CLK3: variants seen among roughly 807,000 people sequenced by gnomAD.
CLK3 encodes dual specificity protein kinase CLK3.
In CLK3, 24 loss-of-function variants were observed where a neutral mutation model predicts 65.2. That is an observed-to-expected ratio of 0.37 (90% CI 0.27 to 0.52). The LOEUF (loss-of-function observed/expected upper bound fraction) is 0.52. CLK3 is among the 20% of genes least tolerant of loss of function. The pLI is 0.92. For missense variants in CLK3, 506 were observed against 660.0 expected (o/e 0.77, Z 2.56); for synonymous variants, 252 against 240.8 (o/e 1.05, Z -0.43).
upstream of CLK3, chr15:74,615,652 T>TC (rs971291884): frequency 1.6e-6 from 2 of 1,248,376 alleles, no homozygotes; most frequent in Non-Finnish European, 2.0e-6. Context: ...GCCAGGCTCG[T>TC]CCCCTCGGCC....
At chr15:74,618,103 A>G (rs1031278007) in intron 1 of CLK3, among the ~76,000 whole-genome samples, 1 of 152,162 alleles carries the variant, frequency 6.6e-6, no homozygotes, top group Non-Finnish European at 1.5e-5. Context: ...GAGATGGGGC[A>G]GCCTCAGTGG....
chr15:74,608,562 C>T (rs977367876), intron 1 of CLK3: 17 of 152,226 alleles, frequency 1.1e-4, no homozygotes, highest in African/African-American at 4.1e-4. Context: ...GTACTGGGCA[C>T]TTCTACTCCC....
Position 74,622,955 on chromosome 15 carries a change from A to C in CLK3, c.533+395A>C, listed in dbSNP as rs1289792938. ...CTAGGAGTACCAATAAGCCCAGCCC[A>C]AGCATAAGTCCCATTCCCTGAGGGT... is the stretch of plus-strand genomic sequence containing the variant. On this transcript the variant is annotated intron_variant, in intron 5 of 12. Transcript: ENST00000395066. The surrounding 1 kb of genome is among the most constrained non-coding windows in gnomAD (Gnocchi z 4.6). Among the ~76,000 whole-genome samples the C allele has an allele frequency of 6.6e-6, 1 of 152,200 alleles. No homozygotes were observed. Among genetic ancestry groups the C allele is most frequent in the African/African-American group, 2.4e-5 (1 of 41,442 alleles).
chr15:74,628,816 C>T (rs2062166031), intron 11 of CLK3, 126 bp from the exon 12 acceptor site: 1 of 993,380 alleles, frequency 1.0e-6, no homozygotes, highest in African/African-American at 1.6e-5. Context: ...AAAGCCTTCC[C>T]TGTGTGCCCC....
chr15:74,611,350 G>A (rs1023192876), upstream of CLK3, among the ~76,000 whole-genome samples: 15 of 152,212 alleles, frequency 9.9e-5, no homozygotes, highest in African/African-American at 2.9e-4. Context: ...GCTAGCTCAG[G>A]GGACCTCCTT....
At chr15:74,629,465 T>G in intron 12 of CLK3, 1 of 569,234 alleles carries the variant, frequency 1.8e-6, no homozygotes, top group Non-Finnish European at 3.1e-6. Flanking sequence ...GGACTTTGCA[T>G]GTGGGGGCAG....
chr15:74,610,312 A>G (rs1455607784), intron 1 of CLK3, among the ~76,000 whole-genome samples: 1 of 152,018 alleles, frequency 6.6e-6, no homozygotes, highest in Non-Finnish European at 1.5e-5. Flanking sequence ...CTTGTCTTCT[A>G]TGTTCTGGTC....
At chr15:74,614,704 C>A (rs975582689), upstream of CLK3, 1 of 152,180 alleles carries the variant, frequency 6.6e-6, no homozygotes, top group Non-Finnish European at 1.5e-5. Flanking sequence ...GCTTCAGGGG[C>A]GGGCCCAGAC....
intron 1 of CLK3, among the ~76,000 whole-genome samples, chr15:74,610,212 C>G (rs2141524065): frequency 6.6e-6 from 1 of 152,376 alleles, no homozygotes; most frequent in African/African-American, 2.4e-5. Context: ...TTTTCCACTT[C>G]TGTCTGCAGC....
intron 1 of CLK3, among the ~76,000 whole-genome samples, chr15:74,617,705 A>G (rs1393251253): frequency 6.6e-6 from 1 of 152,208 alleles, no homozygotes; most frequent in Non-Finnish European, 1.5e-5. Context: ...TTGTCTGCCC[A>G]GTGAGGATGG....
chr15:74,628,547 C>A, intron 10 of CLK3, 57 bp from the exon 11 acceptor site: 1 of 1,299,202 alleles, frequency 7.7e-7, no homozygotes, highest in Non-Finnish European at 1.1e-6. Flanking sequence ...TCCTTTTTCT[C>A]CTTGAAGGGG....
chr15:74,622,142 G>A lies in CLK3; in HGVS notation c.392G>A (p.Arg131His), dbSNP rs749224799. 12 of 1,614,160 alleles carry A rather than the reference G, an allele frequency of 7.4e-6. No homozygotes were observed. Among genetic ancestry groups the A allele is most frequent in the Admixed American group, 3.3e-5 (2 of 60,026 alleles). ...CAGAGAAGCCAACAGAGCAGTAAGCGCAGCAGCCGGAGTGTGGAAGATGAC... is the reference window on the plus strand; with the variant it reads ...CAGAGAAGCCAACAGAGCAGTAAGCACAGCAGCCGGAGTGTGGAAGATGAC... Reference protein sequence around the residue: ...ASSRSQQSSKRSSRSVEDDKE... With the variant: ...ASSRSQQSSKHSSRSVEDDKE... The change falls in exon 4 of 13, where the codon CGC becomes CAC. Residue 131 changes from arginine to histidine, a missense_variant. Physicochemically the swap from Arg to His is conservative, Grantham distance 29. This residue lies in a region of CLK3 where 325 missense variants were observed against 500.5 expected (regional missense o/e 0.65). Transcript: ENST00000395066. The surrounding 1 kb of genome is among the most constrained non-coding windows in gnomAD (Gnocchi z 4.6).
At chr15:74,625,678 G>A in intron 6 of CLK3, 124 bp from the exon 7 acceptor site, 1 of 944,842 alleles carries the variant, frequency 1.1e-6, no homozygotes, top group Non-Finnish European at 1.7e-6. Flanking sequence ...TGCACTGTGT[G>A]TATCTGCATT....
chr15:74,621,618 G>A lies in CLK3; in HGVS notation c.370-502G>A, dbSNP rs539994513. ...GGCTGGGCATTCTGCAGCTGAAGCC[G>A]GAGCAGCCGCTGACCAGTCTGGATG... On this transcript the variant is annotated intron_variant, in intron 3 of 12. Coordinates refer to ENST00000395066, the MANE Select transcript of CLK3 (RefSeq NM_001130028.2). This position sits in a 1 kb window ranked among gnomAD's most constrained non-coding sequence, Gnocchi z 4.8. 7.5e-5 allele frequency: 18 copies of A among 240,994 alleles called. No individual in the cohort carries two copies. Among genetic ancestry groups the A allele is most frequent in the African/African-American group, 2.5e-4 (11 of 44,706 alleles). The allele number at this position is 240,994 out of a possible 1,614,324, so 14.9% of individuals were successfully genotyped here.
intron 10 of CLK3, 64 bp downstream of exon 10, chr15:74,628,116 T>TG: frequency 8.7e-7 from 1 of 1,153,774 alleles, no homozygotes; most frequent in South Asian, 1.2e-5. Context: ...TGCAGGCCAC[T>TG]GGGGTGGGAA....
In CLK3 at chr15:74,624,249, G is replaced by C. The variant is rs572048620; in HGVS notation, c.534-653G>C. ...GATGGCCTCCTGGGGTGAGGTTGGG[G>C]GTGGGAGGCACAGAGCAGGGACTGT... On this transcript the variant is annotated intron_variant, in intron 5 of 12. Transcript: ENST00000395066. The surrounding 1 kb of genome is among the most constrained non-coding windows in gnomAD (Gnocchi z 4.2). 15 of 152,512 alleles carry C rather than the reference G, an allele frequency of 9.8e-5. No individual in the cohort carries two copies. The highest frequency in any genetic ancestry group is 3.4e-4 in the African/African-American group (14 of 41,562). The allele number at this position is 152,512 out of a possible 1,614,324, so 9.4% of individuals were successfully genotyped here. A position where few individuals can be genotyped will look rare whatever the true frequency, so the allele number is the denominator to read the frequency against.
upstream of CLK3, chr15:74,613,307 C>G (rs546404706): frequency 6.6e-6 from 1 of 152,190 alleles, no homozygotes; most frequent in African/African-American, 2.4e-5. Flanking sequence ...CAGACCTCAA[C>G]TCCACAGAGG....
upstream of CLK3, among the ~76,000 whole-genome samples, chr15:74,610,981 G>A (rs750092920): frequency 6.6e-6 from 1 of 152,164 alleles, no homozygotes; most frequent in Non-Finnish European, 1.5e-5. Flanking sequence ...CCCTCTCTGG[G>A]GCTCGCCTGT....
upstream of CLK3, among the ~76,000 whole-genome samples, chr15:74,611,323 C>T (rs887654470): frequency 1.3e-5 from 2 of 152,262 alleles, no homozygotes; most frequent in Non-Finnish European, 2.9e-5. Flanking sequence ...GGAGCTTCAG[C>T]CTGCTAAGGG....
Sources: allele counts gnomAD v4.1 joint callset (sites outside exome capture counted in the v4.1 genomes callset), GRCh38; gene constraint gnomAD v4.1.1; regional missense constraint gnomAD v4.1.1; non-coding constraint Gnocchi (gnomAD v3.1); transcripts MANE v1.5; gene names NCBI Gene and HGNC (gene_info 2026-07-23, HGNC 2026-07-21).